The following BNC2 variants were observed in gnomAD, a reference collection of about 807,000 sequenced individuals.
The protein encoded by BNC2 is basonuclin zinc finger protein 2, also known as zinc finger protein basonuclin-2.
BNC2 carries 20 observed loss-of-function variants against 76.3 expected under a neutral mutation model. That is an observed-to-expected ratio of 0.26 (90% CI 0.18 to 0.38). The LOEUF is 0.38. Among genes scored for constraint, BNC2 ranks in the 10% least tolerant of loss-of-function variants. The probability of loss-of-function intolerance (pLI) is 1.00; values close to 1 mark genes in which losing one functional copy is unlikely to be tolerated. For missense variants in BNC2, 1,382 were observed against 1,399.8 expected (o/e 0.99, Z 0.20); for synonymous variants, 582 against 514.8 (o/e 1.13, Z -1.77).
intron 3 of BNC2, among the ~76,000 whole-genome samples, chr9:16,671,329 G>C: frequency 6.6e-6 from 1 of 152,112 alleles, no homozygotes; most frequent in East Asian, 1.9e-4. Context: ...AAAAGGTGAA[G>C]CAATGAAATA....
intron 4 of BNC2, among the ~76,000 whole-genome samples, chr9:16,569,921 T>G (rs1819272927): frequency 6.6e-6 from 1 of 152,198 alleles, no homozygotes; most frequent in African/African-American, 2.4e-5. Flanking sequence ...TTATCCAGTT[T>G]ATGTACCAAT....
chr9:16,791,481 T>C (rs1428134651), intron 1 of BNC2, among the ~76,000 whole-genome samples: 1 of 152,134 alleles, frequency 6.6e-6, no homozygotes, highest in Admixed American at 6.5e-5. Context: ...GTGAGAAATA[T>C]CTGCATTTAG....
chr9:16,577,539 T>C (rs186403281), intron 4 of BNC2, among the ~76,000 whole-genome samples: 37 of 152,210 alleles, frequency 2.4e-4, no homozygotes, highest in African/African-American at 6.7e-4. Flanking sequence ...ATAGGTTTAA[T>C]AAATATCTAC....
intron 3 of BNC2, among the ~76,000 whole-genome samples, chr9:16,651,396 G>A (rs568020333): frequency 6.6e-6 from 1 of 152,300 alleles, no homozygotes; most frequent in South Asian, 2.1e-4. Context: ...TACTCTGACA[G>A]ATTCTAAATG....
chr9:16,837,874 G>A (rs1351601173), intron 1 of BNC2, among the ~76,000 whole-genome samples: 1 of 151,958 alleles, frequency 6.6e-6, no homozygotes, highest in Non-Finnish European at 1.5e-5. Context: ...GTTGCAGTGA[G>A]CCGAGATCAT....
chr9:16,752,022 C>T (rs1314071483), intron 1 of BNC2, among the ~76,000 whole-genome samples: 7 of 152,044 alleles, frequency 4.6e-5, no homozygotes, highest in Admixed American at 4.6e-4. Flanking sequence ...GAGCAAGACT[C>T]TAAAAACAAA....
chr9:16,549,781 G>T (rs954053190), intron 5 of BNC2, among the ~76,000 whole-genome samples: 1 of 151,944 alleles, frequency 6.6e-6, no homozygotes, highest in Non-Finnish European at 1.5e-5. Context: ...ACCGAGAACT[G>T]TTTTAACAAA....
intron 1 of BNC2, among the ~76,000 whole-genome samples, chr9:16,740,165 A>G (rs1824800091): frequency 6.6e-6 from 1 of 152,234 alleles, no homozygotes; most frequent in Non-Finnish European, 1.5e-5. Context: ...AGGATGCTTG[A>G]GAGTTTTAAA....
intron 1 of BNC2, among the ~76,000 whole-genome samples, chr9:16,863,276 G>A (rs1176829504): frequency 6.6e-6 from 1 of 152,208 alleles, no homozygotes; most frequent in African/African-American, 2.4e-5. Flanking sequence ...CATAGCCCTA[G>A]GATAGGATAG....
rs184888053 is a variant in BNC2 at position 16,788,750 on chromosome 9, A to T, written c.4-50265T>A. On this transcript the variant is annotated intron_variant, in intron 1 of 6. Transcript: ENST00000380672. ...GGCAAAGATCAGAGGATAAGGAAGG[A>T]GAGAAATCAACTCCTTCATATGCCT... is the stretch of plus-strand genomic sequence containing the variant. Among the ~76,000 whole-genome samples the T allele has an allele frequency of 2.6e-5, 4 of 152,188 alleles. 1 individual carries two copies. In the East Asian group the frequency reaches 7.7e-4, roughly 29 times the overall value.
intron 4 of BNC2, among the ~76,000 whole-genome samples, chr9:16,565,750 G>A (rs1161489153): frequency 6.6e-6 from 1 of 151,722 alleles, no homozygotes; most frequent in Non-Finnish European, 1.5e-5. Flanking sequence ...CGAGGCTGCA[G>A]TGAGCCAAGA....
intron 4 of BNC2, among the ~76,000 whole-genome samples, chr9:16,574,428 G>A (rs1350501656): frequency 2.0e-5 from 3 of 152,138 alleles, no homozygotes; most frequent in South Asian, 2.1e-4. Flanking sequence ...TTTAACTGGC[G>A]CAATTCTCAA....
At chr9:16,553,355 C>G (rs1019331738) in intron 4 of BNC2, among the ~76,000 whole-genome samples, 2 of 152,154 alleles carry the variant, frequency 1.3e-5, no homozygotes, top group Admixed American at 6.5e-5. Context: ...TAAGTCAAGT[C>G]ATATTAGCTA....
intron 6 of BNC2, among the ~76,000 whole-genome samples, chr9:16,424,624 T>G (rs1408975058): frequency 6.6e-6 from 1 of 152,186 alleles, no homozygotes; most frequent in African/African-American, 2.4e-5. Context: ...TTTGTCTGTA[T>G]GTATGTGTGT....
intron 1 of BNC2, among the ~76,000 whole-genome samples, chr9:16,789,930 T>C (rs976376429): frequency 6.6e-6 from 1 of 152,234 alleles, no homozygotes; most frequent in Non-Finnish European, 1.5e-5. Flanking sequence ...CTTGGCTCAA[T>C]AAATACAGGT....
intron 1 of BNC2, among the ~76,000 whole-genome samples, chr9:16,862,162 T>C (rs1293236968): frequency 6.6e-6 from 1 of 152,182 alleles, no homozygotes; most frequent in Non-Finnish European, 1.5e-5. Context: ...AATTCTACTC[T>C]TGAGCATATA....
intron 4 of BNC2, among the ~76,000 whole-genome samples, chr9:16,553,016 C>T (rs1004741233): frequency 1.4e-4 from 21 of 152,016 alleles, no homozygotes; most frequent in African/African-American, 4.8e-4. Flanking sequence ...AAATAGAAAA[C>T]ACATTCAACT....
chr9:16,674,960 T>C (rs764542269), intron 3 of BNC2, among the ~76,000 whole-genome samples: 1 of 152,156 alleles, frequency 6.6e-6, no homozygotes, highest in Non-Finnish European at 1.5e-5. Flanking sequence ...AATCGGCATT[T>C]GAGCAACACC....
intron 3 of BNC2, among the ~76,000 whole-genome samples, chr9:16,653,726 G>C (rs1238549109): frequency 1.3e-5 from 2 of 152,136 alleles, no homozygotes; most frequent in African/African-American, 2.4e-5. Flanking sequence ...ACCATACCAA[G>C]GTCAGCCTGC....
Sources: gnomAD v4.1 joint callset for allele counts (sites outside exome capture counted in the v4.1 genomes callset) on GRCh38, gnomAD v4.1.1 for gene constraint, MANE v1.5 for transcripts, NCBI Gene and HGNC (gene_info 2026-07-23, HGNC 2026-07-21) for gene names.